The following ITIH2 variants were observed in gnomAD, a reference collection of about 807,000 sequenced individuals.
The protein encoded by ITIH2 is inter-alpha-trypsin inhibitor heavy chain 2, also known as inter-alpha-trypsin inhibitor heavy chain H2.
Under a neutral mutation model 104.4 loss-of-function variants are expected in ITIH2, and 103 were observed. The observed-to-expected ratio is 0.99, with a 90% CI of 0.84 to 1.16. The LOEUF (loss-of-function observed/expected upper bound fraction) is 1.16, where lower values mean the gene tolerates loss of function less well. Ranked by LOEUF, ITIH2 falls within the 50% of genes most tolerant of loss-of-function variation. ITIH2 has a pLI of 0.00. For synonymous variants in ITIH2, 436 were observed against 435.4 expected, an observed-to-expected ratio of 1.00 and a Z score of -0.02; for missense variants, 1,108 against 1,162.4, an observed-to-expected ratio of 0.95 and a Z score of 0.68.
In ITIH2 at chr10:7,730,371, C is replaced by G. The variant is rs375869586; in HGVS notation, c.1461+238C>G. On this transcript the variant is annotated intron_variant, in intron 12 of 20. Transcript: ENST00000358415. Reference sequence around the variant, plus strand: ...TGGGTGTTGGGAACAGCTGTCCTACCCCCTGAACAAAAAGGCCTTCTGAGC... The same window carrying G: ...TGGGTGTTGGGAACAGCTGTCCTACGCCCTGAACAAAAAGGCCTTCTGAGC... Among the ~76,000 whole-genome samples, 20 of 152,232 alleles carry G rather than the reference C, an allele frequency of 1.3e-4. No homozygotes were observed. The East Asian group carries it at 3.3e-3, about 25-fold the overall frequency.
At chr10:7,714,026 G>A (rs1393621180) in intron 5 of ITIH2, among the ~76,000 whole-genome samples, 1 of 151,914 alleles carries the variant, frequency 6.6e-6, no homozygotes, top group South Asian at 2.1e-4. Flanking sequence ...ACTTCACTTA[G>A]GCTTTGTTTA....
chr10:7,749,359 T>C lies in ITIH2; in HGVS notation c.*25T>C. 1.9e-6 allele frequency: 3 copies of C among 1,572,978 alleles called. No individual in the cohort carries two copies. The highest frequency in any genetic ancestry group is 4.5e-5 in the East Asian group (2 of 44,604). On this transcript the variant is annotated 3_prime_UTR_variant, in exon 21 of 21. Coordinates refer to ENST00000358415, the MANE Select transcript of ITIH2 (RefSeq NM_002216.3). Reference sequence around the variant, plus strand: ...AAGGTTTATAGTTTGGGAAATTATATATATTAATATACATCTTTCCCCTGT... The same window carrying C: ...AAGGTTTATAGTTTGGGAAATTATACATATTAATATACATCTTTCCCCTGT...
At chr10:7,744,717 TA>T in intron 18 of ITIH2, 73 bp from the exon 19 acceptor site, 1 of 1,270,050 alleles carries the variant, frequency 7.9e-7, no homozygotes, top group East Asian at 2.4e-5. Context: ...GAGTTCATAT[TA>T]GGGGTGAGAA....
In ITIH2 at chr10:7,743,236, A is replaced by G; in HGVS notation, c.2186A>G (p.Asn729Ser). ...GACTCAGAACCTGGAAAAATCCTCAACCTGGTTTCTGACCCAGAATCAGGT... is the reference window on the plus strand; with the variant it reads ...GACTCAGAACCTGGAAAAATCCTCAGCCTGGTTTCTGACCCAGAATCAGGT... Reference protein sequence around the residue: ...NIDSEPGKILNLVSDPESGIV... With the variant: ...NIDSEPGKILSLVSDPESGIV... Residue 729 changes from asparagine to serine, a missense_variant, in exon 17 of 21, where the codon AAC becomes AGC. Asn to Ser is a conservative substitution (Grantham distance 46). Transcript: ENST00000358415. 1 of 1,582,632 alleles carries G rather than the reference A, an allele frequency of 6.3e-7. No individual in the cohort carries two copies. Among genetic ancestry groups the G allele is most frequent in the South Asian group, 1.2e-5 (1 of 85,314 alleles).
intron 19 of ITIH2, among the ~76,000 whole-genome samples, chr10:7,745,860 T>C (rs1438245481): frequency 6.6e-6 from 1 of 151,218 alleles, no homozygotes; most frequent in East Asian, 2.0e-4. Context: ...GTTCATGCGA[T>C]TCTCTTCCCT....
rs147930093 is a variant in ITIH2, at chr10:7,729,695, G to A, written c.1280-257G>A. Among the ~76,000 whole-genome samples, 95 of 151,988 alleles carry A rather than the reference G, an allele frequency of 6.3e-4. No individual in the cohort carries two copies. The East Asian group carries it at 9.7e-3, about 15-fold the overall frequency. ...TAAATGTATCATCATCTAACCAAGC[G>A]CCCTCATTGGTGCATATTTATGTTG... On this transcript the variant is annotated intron_variant, in intron 11 of 20. Transcript: ENST00000358415.
intron 15 of ITIH2, among the ~76,000 whole-genome samples, chr10:7,737,777 C>A (rs28472617): frequency 0.47 from 4,651 of 9,862 alleles, 1,993 homozygotes; most frequent in Middle Eastern, 0.83. Context: ...ATATAATATT[C>A]TATATTATAT....
At chr10:7,742,791 GTGTA>G (rs1359120780) in intron 16 of ITIH2, among the ~76,000 whole-genome samples, 1 of 152,108 alleles carries the variant, frequency 6.6e-6, no homozygotes, top group African/African-American at 2.4e-5. Context: ...ATTCACACAC[GTGTA>G]TGTATGTTTC....
intron 2 of ITIH2, among the ~76,000 whole-genome samples, chr10:7,706,205 T>C (rs1373253665): frequency 1.3e-5 from 2 of 152,148 alleles, no homozygotes; most frequent in Non-Finnish European, 2.9e-5. Flanking sequence ...AAATTTGTCA[T>C]TGAGCATTGC....
At chr10:7,718,344 T>G (rs1834869931) in intron 6 of ITIH2, among the ~76,000 whole-genome samples, 1 of 152,080 alleles carries the variant, frequency 6.6e-6, no homozygotes. Context: ...GATCCTTAAT[T>G]GCATCTGCAA....
Position 7,735,048 on chromosome 10 carries a change from C to CA in ITIH2, c.1915dup (p.Met639AsnfsTer62). The stretch of plus-strand genomic sequence containing the variant: ...TCGAGAACGAGGCTGGGGATGAGCG[C>CA]ATGCTGGCGGATGCCCCACCGCAGG... On this transcript the variant is annotated frameshift_variant, in exon 15 of 21. Coordinates refer to ENST00000358415, the MANE Select transcript of ITIH2 (RefSeq NM_002216.3). LOFTEE classifies it high-confidence loss of function. 6.2e-7 allele frequency: 1 copy of CA among 1,612,700 alleles called. No homozygotes were observed. Among genetic ancestry groups the CA allele is most frequent in the Non-Finnish European group, 8.5e-7 (1 of 1,180,008 alleles).
At chr10:7,744,440 C>A (rs991662710) in intron 18 of ITIH2, among the ~76,000 whole-genome samples, 160 bp downstream of exon 18, 6 of 152,352 alleles carry the variant, frequency 3.9e-5, no homozygotes, top group African/African-American at 7.2e-5. Context: ...CTGTTCCTGG[C>A]AGTGGGCACT....
chr10:7,744,650 A>T, intron 18 of ITIH2, 141 bp from the exon 19 acceptor site: 1 of 689,594 alleles, frequency 1.5e-6, no homozygotes, highest in East Asian at 2.7e-5. Flanking sequence ...TCCATCATTT[A>T]TCTATAAACT....
chr10:7,713,506 A>G, intron 5 of ITIH2: 1 of 477,710 alleles, frequency 2.1e-6, no homozygotes, highest in Admixed American at 3.6e-5. Flanking sequence ...GGTTGTGCTT[A>G]CATCACTGTC....
chr10:7,704,009 A>G (rs1446734799), intron 1 of ITIH2, among the ~76,000 whole-genome samples: 2 of 152,262 alleles, frequency 1.3e-5, no homozygotes, highest in Non-Finnish European at 2.9e-5. Context: ...TATTTGTAAT[A>G]AGAGCACTTT....
rs112503356 is a variant in ITIH2, at chr10:7,705,693, C to A, written c.159+511C>A. ...GCAACAGAGGGAGACGCTGTCCCCA[C>A]TCCATTTAAAAAAAAAAAAAAAAAA... On this transcript the variant is annotated intron_variant, in intron 2 of 20. Coordinates refer to ENST00000358415, the MANE Select transcript of ITIH2 (RefSeq NM_002216.3). Among the ~76,000 whole-genome samples the A allele has an allele frequency of 2.3e-3, 267 of 117,100 alleles. 1 individual carries two copies. Among genetic ancestry groups the A allele is most frequent in the African/African-American group, 8.0e-3 (258 of 32,160 alleles). The allele number at this position is 117,100 out of a possible 152,430, so 76.8% of individuals were successfully genotyped here.
At chr10:7,727,858 A>G (rs1834966411) in intron 11 of ITIH2, 30 bp downstream of exon 11, 1 of 1,612,740 alleles carries the variant, frequency 6.2e-7, no homozygotes, top group Non-Finnish European at 8.5e-7. Context: ...TCTCACGACA[A>G]ACACTTTCAC....
chr10:7,734,503 T>C (rs1180591714), intron 14 of ITIH2, among the ~76,000 whole-genome samples: 2 of 152,190 alleles, frequency 1.3e-5, no homozygotes, highest in Admixed American at 6.5e-5. Flanking sequence ...GAGACCAGCC[T>C]GGGCAACATG....
chr10:7,710,100 C>T (rs966538854), intron 4 of ITIH2, among the ~76,000 whole-genome samples: 3 of 152,230 alleles, frequency 2.0e-5, no homozygotes, highest in Non-Finnish European at 4.4e-5. Flanking sequence ...GATCTGCCCG[C>T]CTCGGCCTCC....
Sources: allele counts gnomAD v4.1 joint callset (sites outside exome capture counted in the v4.1 genomes callset), GRCh38; gene constraint gnomAD v4.1.1; transcripts MANE v1.5; gene names NCBI Gene and HGNC (gene_info 2026-07-23, HGNC 2026-07-21).